The following CRTC1 variants were observed in gnomAD, a reference collection of about 807,000 sequenced individuals.
The protein encoded by CRTC1 is CREB regulated transcription coactivator 1.
A neutral mutation model predicts 66.1 loss-of-function variants in CRTC1; 18 were observed. That is an observed-to-expected ratio of 0.27 (90% CI 0.19 to 0.40). The LOEUF (loss-of-function observed/expected upper bound fraction) is 0.40, where lower values mean the gene tolerates loss of function less well. Ranked by LOEUF, CRTC1 falls within the 10% of genes least tolerant of loss-of-function variation. CRTC1 has a pLI of 1.00. For missense variants in CRTC1, 669 were observed against 887.9 expected (o/e 0.75, Z 3.13); for synonymous variants, 416 against 398.8 (o/e 1.04, Z -0.51).
intron 11 of CRTC1, among the ~76,000 whole-genome samples, chr19:18,773,057 C>T (rs886817352): frequency 3.3e-5 from 5 of 152,144 alleles, no homozygotes; most frequent in African/African-American, 9.7e-5. Context: ...CAAGCCAAAG[C>T]GGGTTAGTCT....
At chr19:18,693,385 T>TC (rs1275487176) in intron 1 of CRTC1, among the ~76,000 whole-genome samples, 1 of 71,864 alleles carries the variant, frequency 1.4e-5, no homozygotes, top group African/African-American at 1.2e-4. Context: ...TGAGACACCG[T>TC]CTAAAAAAAA....
chr19:18,713,180 G>T (rs2053430123), intron 1 of CRTC1, among the ~76,000 whole-genome samples: 1 of 152,234 alleles, frequency 6.6e-6, no homozygotes, highest in Admixed American at 6.5e-5. Flanking sequence ...ATGGATGAGT[G>T]CCTCATTCCT....
chr19:18,709,929 C>T (rs1225060851), intron 1 of CRTC1, among the ~76,000 whole-genome samples: 2 of 152,208 alleles, frequency 1.3e-5, no homozygotes, highest in Non-Finnish European at 2.9e-5. Context: ...CAGGTCACTC[C>T]TGGTTAAATC....
intron 1 of CRTC1, among the ~76,000 whole-genome samples, chr19:18,711,776 G>A (rs922936370): frequency 2.9e-4 from 44 of 152,284 alleles, no homozygotes; most frequent in African/African-American, 8.7e-4. Context: ...AGCAGCTGAC[G>A]TCCTCTTCCT....
chr19:18,716,164 CCCA>C (rs2053502816), intron 1 of CRTC1, among the ~76,000 whole-genome samples: 1 of 152,162 alleles, frequency 6.6e-6, no homozygotes, highest in African/African-American at 2.4e-5. Context: ...GCAGCCACAG[CCCA>C]CCCTTGTTGG....
chr19:18,740,678 G>A (rs1405475345), intron 1 of CRTC1, among the ~76,000 whole-genome samples: 1 of 152,162 alleles, frequency 6.6e-6, no homozygotes, highest in Non-Finnish European at 1.5e-5. Context: ...AACTCCTCAT[G>A]CAAAACCAAG....
At chr19:18,730,791 C>T (rs2053869446) in intron 1 of CRTC1, among the ~76,000 whole-genome samples, 1 of 152,168 alleles carries the variant, frequency 6.6e-6, no homozygotes, top group African/African-American at 2.4e-5. Flanking sequence ...CCTTGGTCCC[C>T]CTACTCCTGG....
intron 3 of CRTC1, among the ~76,000 whole-genome samples, chr19:18,746,283 T>G (rs1451105314): frequency 6.6e-6 from 1 of 152,072 alleles, no homozygotes; most frequent in Non-Finnish European, 1.5e-5. Flanking sequence ...AGGAAGGCCG[T>G]GAGCAGGGAG....
chr19:18,704,841 A>C (rs1248019729), intron 1 of CRTC1, among the ~76,000 whole-genome samples: 8 of 152,158 alleles, frequency 5.3e-5, no homozygotes, highest in Admixed American at 5.2e-4. Flanking sequence ...ATCTGTGTTC[A>C]GAGCTTTTGC....
rs776947088 is a variant in CRTC1 at position 18,771,504 on chromosome 19, G to T, written c.1383G>T (p.Ser461=). 4 of 1,613,634 alleles carry T rather than the reference G, an allele frequency of 2.5e-6. No homozygotes were observed. The highest frequency in any genetic ancestry group is 1.7e-4 in the Middle Eastern group (1 of 6,056). Residue 461 remains serine, a synonymous_variant, in exon 11 of 14, where the codon TCG becomes TCT. Transcript: ENST00000321949. The surrounding 1 kb of genome is among the most constrained non-coding windows in gnomAD (Gnocchi z 4.6). ...AGSPANQSPT[S]PVSNQGFSPG... is the part of the protein sequence containing the mutation. ...CCCCGGCCAACCAGTCTCCCACCTC[G>T]CCAGTCTCCAATCAAGGCTTCTCCC...
intron 4 of CRTC1, among the ~76,000 whole-genome samples, chr19:18,748,667 A>G (rs1482366802): frequency 1.3e-5 from 2 of 149,140 alleles, no homozygotes; most frequent in Non-Finnish European, 3.0e-5. Flanking sequence ...GCCACTGTAC[A>G]CCAGCCTGGG....
At chr19:18,722,134 G>A (rs1297252191) in intron 1 of CRTC1, among the ~76,000 whole-genome samples, 1 of 152,234 alleles carries the variant, frequency 6.6e-6, no homozygotes, top group African/African-American at 2.4e-5. Context: ...AGTTCCAGAT[G>A]AGATTCATCC....
At chr19:18,705,103 G>A (rs1049011866) in intron 1 of CRTC1, among the ~76,000 whole-genome samples, 1 of 151,022 alleles carries the variant, frequency 6.6e-6, no homozygotes, top group Non-Finnish European at 1.5e-5. Flanking sequence ...ACGTTGTAAC[G>A]TGTCAGAACG....
At chr19:18,683,919 G>T (rs954982791) in intron 1 of CRTC1, 91 bp downstream of exon 1, 2 of 144,318 alleles carry the variant, frequency 1.4e-5, no homozygotes, top group African/African-American at 5.3e-5. Context: ...GGTGGGGGGG[G>T]GCGCGGCGGG....
intron 1 of CRTC1, among the ~76,000 whole-genome samples, chr19:18,698,318 CAG>C (rs1034254995): frequency 6.6e-6 from 1 of 151,798 alleles, no homozygotes; most frequent in Non-Finnish European, 1.5e-5. Flanking sequence ...TCAGCAGGCA[CAG>C]TGTGTACTCA....
In CRTC1 at chr19:18,781,990, G is replaced by A. The variant is rs1568552051; in HGVS notation, c.*4608G>A. On this transcript the variant is annotated 3_prime_UTR_variant, in exon 14 of 14. Coordinates refer to ENST00000321949, the MANE Select transcript of CRTC1 (RefSeq NM_015321.3). Reference sequence around the variant, plus strand: ...TGGACTTGGCCAGTAGGCCTGGGGAGGGAGGGCTTTGGCAGCCAAAGTCCA... The same window carrying A: ...TGGACTTGGCCAGTAGGCCTGGGGAAGGAGGGCTTTGGCAGCCAAAGTCCA... The A allele has an allele frequency of 4.4e-6, 1 of 229,814 alleles. No individual in the cohort carries two copies. The highest frequency in any genetic ancestry group is 6.2e-5 in the East Asian group (1 of 16,192). The allele number at this position is 229,814 out of a possible 1,614,324, so 14.2% of individuals were successfully genotyped here. A position where few individuals can be genotyped will look rare whatever the true frequency, so the allele number is the denominator to read the frequency against.
intron 4 of CRTC1, among the ~76,000 whole-genome samples, chr19:18,747,773 G>A (rs1471310657): frequency 6.6e-6 from 1 of 152,126 alleles, no homozygotes; most frequent in East Asian, 1.9e-4. Flanking sequence ...ACACATTTAG[G>A]ATGGAAGATT....
In CRTC1 at chr19:18,693,479, G is replaced by GTT. The variant is rs1294890403; in HGVS notation, c.126+9655_126+9656dup. On this transcript the variant is annotated intron_variant, in intron 1 of 13. Transcript: ENST00000321949. The stretch of plus-strand genomic sequence containing the variant: ...TTTTACCAAGGAGCTTAACTCTTTT[G>GTT]TTTTTGTTTTTTTTTTTTTTGAAAC... Among the ~76,000 whole-genome samples the GTT allele has an allele frequency of 1.1e-3, 137 of 129,680 alleles. 2 individuals carry two copies. Among genetic ancestry groups the GTT allele is most frequent in the South Asian group, 1.5e-3 (6 of 4,024 alleles). The allele number at this position is 129,680 out of a possible 152,430, so 85.1% of individuals were successfully genotyped here.
At chr19:18,763,700 A>T (rs181813234) in intron 8 of CRTC1, among the ~76,000 whole-genome samples, 1 of 152,096 alleles carries the variant, frequency 6.6e-6, no homozygotes, top group Non-Finnish European at 1.5e-5. Flanking sequence ...GATGTCTTGC[A>T]CCTCGAGACG....
Sources: allele counts gnomAD v4.1 joint callset (sites outside exome capture counted in the v4.1 genomes callset), GRCh38; gene constraint gnomAD v4.1.1; non-coding constraint Gnocchi (gnomAD v3.1); transcripts MANE v1.5; gene names NCBI Gene and HGNC (gene_info 2026-07-23, HGNC 2026-07-21).